CNOT4: variants seen among roughly 807,000 people sequenced by gnomAD.
CNOT4 encodes CCR4-associated factor 4.
CNOT4 carries 8 observed loss-of-function variants against 73.8 expected under a neutral mutation model. That is an observed-to-expected ratio of 0.11 (90% CI 0.06 to 0.20). The LOEUF (loss-of-function observed/expected upper bound fraction) is 0.20. CNOT4 is among the 10% of genes least tolerant of loss of function. The pLI is 1.00. For missense variants in CNOT4, 564 were observed against 883.4 expected, an observed-to-expected ratio of 0.64 and a Z score of 4.58; for synonymous variants, 293 against 321.1, an observed-to-expected ratio of 0.91 and a Z score of 0.94.
Position 135,367,147 on chromosome 7 carries a change from C to T in CNOT4, c.1628-3081G>A, listed in dbSNP as rs115391443. On this transcript the variant is annotated intron_variant, in intron 10 of 11. Coordinates refer to ENST00000541284, the MANE Select transcript of CNOT4 (RefSeq NM_001190850.2). Reference sequence around the variant, plus strand: ...TTTGACAGCCAAAATTGTCTTTAGACGTTGAAAATGTCTTCTAGGGAAGCA... The same window carrying T: ...TTTGACAGCCAAAATTGTCTTTAGATGTTGAAAATGTCTTCTAGGGAAGCA... Among the ~76,000 whole-genome samples, 1,335 of 152,138 alleles carry T rather than the reference C, an allele frequency of 8.8e-3. 23 individuals carry two copies. The highest frequency in any genetic ancestry group is 0.03 in the African/African-American group (1,251 of 41,480).
intron 3 of CNOT4, among the ~76,000 whole-genome samples, chr7:135,415,881 T>C (rs57943998): frequency 0.012 from 1,767 of 152,210 alleles, 39 homozygotes; most frequent in African/African-American, 0.04. Flanking sequence ...CTACTTTTCC[T>C]GGTACGTAAC....
intron 1 of CNOT4, among the ~76,000 whole-genome samples, chr7:135,441,763 T>A (rs1018394086): frequency 2.0e-5 from 3 of 152,344 alleles, no homozygotes; most frequent in Admixed American, 6.5e-5. Context: ...AATGATATAC[T>A]GATGTTTTGC....
At chr7:135,479,278 G>A (rs568389206) in intron 1 of CNOT4, among the ~76,000 whole-genome samples, 5 of 129,224 alleles carry the variant, frequency 3.9e-5, no homozygotes, top group Middle Eastern at 4.9e-3. Context: ...GTGTGATCTC[G>A]GCTCACTGCA....
intron 1 of CNOT4, among the ~76,000 whole-genome samples, chr7:135,458,701 C>G (rs1800696529): frequency 6.6e-6 from 1 of 152,090 alleles, no homozygotes; most frequent in African/African-American, 2.4e-5. Flanking sequence ...TTTGCTCATT[C>G]TTATGAGGCA....
chr7:135,375,395 C>A lies in CNOT4; in HGVS notation c.1628-11329G>T, dbSNP rs535941164. On this transcript the variant is annotated intron_variant, in intron 10 of 11. Coordinates refer to ENST00000541284, the MANE Select transcript of CNOT4 (RefSeq NM_001190850.2). The stretch of plus-strand genomic sequence containing the variant: ...AATTGGTAAAAGATTTTGGCTTAAC[C>A]AAGATAAAAAATTTCTAACAATTTT... Among the ~76,000 whole-genome samples, 6 of 152,192 alleles carry A rather than the reference C, an allele frequency of 3.9e-5. No individual in the cohort carries two copies. In the South Asian group the frequency reaches 8.3e-4, roughly 21 times the overall value.
chr7:135,443,407 G>A (rs1011175843), intron 1 of CNOT4, among the ~76,000 whole-genome samples: 2 of 151,034 alleles, frequency 1.3e-5, no homozygotes, highest in Non-Finnish European at 2.9e-5. Flanking sequence ...ACAGTGACTT[G>A]GTAAGAACAC....
At chr7:135,412,960 T>C (rs970482864) in intron 6 of CNOT4, among the ~76,000 whole-genome samples, 1 of 152,148 alleles carries the variant, frequency 6.6e-6, no homozygotes, top group South Asian at 2.1e-4. Context: ...ATTCACCCTT[T>C]ACAGGATACT....
In CNOT4 at chr7:135,448,628, A is replaced by G. The variant is rs572125930; in HGVS notation, c.-92-10205T>C. On this transcript the variant is annotated intron_variant, in intron 1 of 11. Transcript: ENST00000541284. Reference sequence around the variant, plus strand: ...AAAGGCAAAGGACACTACCTGCAAGAGCAACCAGATGATGGATTTAACCAA... The same window carrying G: ...AAAGGCAAAGGACACTACCTGCAAGGGCAACCAGATGATGGATTTAACCAA... 3.9e-5 allele frequency among the ~76,000 whole-genome samples: 6 copies of G among 152,284 alleles called. No individual in the cohort carries two copies. The South Asian group carries it at 1.2e-3, about 32-fold the overall frequency.
chr7:135,445,708 A>G (rs1470380125), intron 1 of CNOT4, among the ~76,000 whole-genome samples: 1 of 152,186 alleles, frequency 6.6e-6, no homozygotes, highest in Non-Finnish European at 1.5e-5. Flanking sequence ...ATTCTATGAA[A>G]ATAATTTTTT....
At chr7:135,448,980 C>T (rs1261239828) in intron 1 of CNOT4, among the ~76,000 whole-genome samples, 1 of 151,858 alleles carries the variant, frequency 6.6e-6, no homozygotes, top group Non-Finnish European at 1.5e-5. Flanking sequence ...AGCACATGAA[C>T]ATACACATAA....
chr7:135,397,810 T>C (rs977790453), intron 8 of CNOT4, among the ~76,000 whole-genome samples: 3 of 151,952 alleles, frequency 2.0e-5, no homozygotes, highest in African/African-American at 7.2e-5. Context: ...AAAATTAAAG[T>C]AGAGAGCAAG....
chr7:135,382,645 C>T (rs1795912117), intron 10 of CNOT4, among the ~76,000 whole-genome samples: 1 of 150,448 alleles, frequency 6.6e-6, no homozygotes, highest in Admixed American at 6.6e-5. Context: ...GTGGATTCAA[C>T]CAACATCGAA....
intron 1 of CNOT4, among the ~76,000 whole-genome samples, chr7:135,481,164 G>C (rs781144110): frequency 1.1e-4 from 16 of 152,042 alleles, no homozygotes; most frequent in South Asian, 2.1e-4. Flanking sequence ...CCTGTTGAAT[G>C]AGAGAAAATA....
intron 3 of CNOT4, among the ~76,000 whole-genome samples, chr7:135,417,859 T>C (rs1412191604): frequency 6.6e-6 from 1 of 152,228 alleles, no homozygotes; most frequent in Admixed American, 6.5e-5. Context: ...ATTTGTATAG[T>C]TGCTGTGCCA....
chr7:135,382,421 A>G (rs1795898475), intron 10 of CNOT4, among the ~76,000 whole-genome samples: 1 of 152,224 alleles, frequency 6.6e-6, no homozygotes, highest in Non-Finnish European at 1.5e-5. Flanking sequence ...AGGTTTCACA[A>G]ACATAGTATT....
intron 1 of CNOT4, among the ~76,000 whole-genome samples, chr7:135,457,273 T>C (rs923449370): frequency 1.1e-4 from 16 of 151,532 alleles, no homozygotes; most frequent in Non-Finnish European, 1.2e-4. Flanking sequence ...TGTACTTCAA[T>C]AATACACAGT....
rs147452844 is a variant in CNOT4, at chr7:135,393,617, G to A, written c.1627+301C>T. On this transcript the variant is annotated intron_variant, in intron 10 of 11. Coordinates refer to ENST00000541284, the MANE Select transcript of CNOT4 (RefSeq NM_001190850.2). ...TGGACTTTATAGTACCATAACTTCA[G>A]AGACCATTTTCTTCTTTTTCATTTT... is the stretch of plus-strand genomic sequence containing the variant. 2.1e-4 allele frequency among the ~76,000 whole-genome samples: 32 copies of A among 152,206 alleles called. No homozygotes were observed. In the East Asian group the frequency reaches 6.2e-3, roughly 29 times the overall value.
chr7:135,472,004 C>G (rs1801611876), intron 1 of CNOT4, among the ~76,000 whole-genome samples: 1 of 151,938 alleles, frequency 6.6e-6, no homozygotes, highest in Non-Finnish European at 1.5e-5. Flanking sequence ...GAAACCCTGT[C>G]TCTACTAAAA....
chr7:135,464,747 A>G (rs958104792), intron 1 of CNOT4, among the ~76,000 whole-genome samples: 1 of 151,880 alleles, frequency 6.6e-6, no homozygotes, highest in Admixed American at 6.6e-5. Context: ...TTAAATTTTA[A>G]AATAAAATTT....
Sources: allele counts gnomAD v4.1 joint callset (sites outside exome capture counted in the v4.1 genomes callset), GRCh38; gene constraint gnomAD v4.1.1; transcripts MANE v1.5; gene names NCBI Gene and HGNC (gene_info 2026-07-23, HGNC 2026-07-21).